The following KCTD15 variants were observed in gnomAD, a reference collection of about 807,000 sequenced individuals.
KCTD15 encodes BTB/POZ domain-containing protein KCTD15.
A neutral mutation model predicts 27.2 loss-of-function variants in KCTD15; 11 were observed. The observed-to-expected ratio is 0.41, with a 90% CI of 0.25 to 0.67. KCTD15 has a LOEUF of 0.67. Ranked by LOEUF, KCTD15 falls within the 30% of genes least tolerant of loss-of-function variation. KCTD15 has a pLI of 0.35. For synonymous variants in KCTD15, 163 were observed against 176.0 expected (o/e 0.93, Z 0.58); for missense variants, 350 against 409.3 (o/e 0.86, Z 1.25).
chr19:33,797,275 T>G (rs1301837584), intron 1 of KCTD15: 1 of 265,426 alleles, frequency 3.8e-6, no homozygotes, highest in Non-Finnish European at 7.9e-6. Flanking sequence ...TGTGTGTGTG[T>G]GTGTGTGTGC....
At chr19:33,811,189 C>CA in intron 5 of KCTD15, 58 bp from the exon 6 acceptor site, 9 of 1,127,296 alleles carry the variant, frequency 8.0e-6, no homozygotes, top group African/African-American at 1.6e-5. Context: ...CCCTCTCCCC[C>CA]TTCCCCCACC....
rs1022833994 is a variant in KCTD15 at position 33,813,469 on chromosome 19, T to A, written c.*521T>A. On this transcript the variant is annotated 3_prime_UTR_variant, in exon 7 of 7. Transcript: ENST00000683859. ...TTCTCAGTCAGACGTGCAGCATGGC[T>A]GCAGGGTGGACCAGCTGCCTGGCAT... 8.9e-6 allele frequency: 4 copies of A among 447,952 alleles called. No individual in the cohort carries two copies. The East Asian group carries it at 2.8e-4, about 31-fold the overall frequency. 27.7% of individuals were successfully genotyped at this position (447,952 alleles called of 1,614,324 possible). A position where few individuals can be genotyped will look rare whatever the true frequency, so the allele number is the denominator to read the frequency against.
rs1482941419 is a variant in KCTD15 at position 33,812,770 on chromosome 19, C to T, written c.694-20C>T. 3 of 1,429,868 alleles carry T rather than the reference C, an allele frequency of 2.1e-6. No homozygotes were observed. Among genetic ancestry groups the T allele is most frequent in the Non-Finnish European group, 2.8e-6 (3 of 1,087,366 alleles). The allele number at this position is 1,429,868 out of a possible 1,614,324, so 88.6% of individuals were successfully genotyped here. On this transcript the variant is annotated intron_variant, in intron 6 of 6. Transcript: ENST00000683859. The stretch of plus-strand genomic sequence containing the variant: ...CCTCTTGCAGCTTGGCCTTGATGAC[C>T]TCTGTTTCTTCCTGGGCAGGTCCTG...
At chr19:33,795,304 T>TA (rs1975280976), upstream of KCTD15, among the ~76,000 whole-genome samples, 2 of 152,146 alleles carry the variant, frequency 1.3e-5, no homozygotes, top group African/African-American at 2.4e-5. Flanking sequence ...GTAAAGAAGT[T>TA]ACGGAAGCGC....
At chr19:33,806,785 G>A (rs1975724273) in intron 4 of KCTD15, 78 bp from the exon 5 acceptor site, 9 of 1,510,628 alleles carry the variant, frequency 6.0e-6, no homozygotes, top group South Asian at 1.2e-5. Context: ...GGGCCCTCAG[G>A]AGTGGGGGCG....
At chr19:33,811,805 A>G in intron 6 of KCTD15, 5 of 1,607,408 alleles carry the variant, frequency 3.1e-6, no homozygotes, top group African/African-American at 1.3e-5. Flanking sequence ...TTCTATAAAA[A>G]TGGCCCAGAG....
chr19:33,811,177 T>TAC, intron 5 of KCTD15, 70 bp from the exon 6 acceptor site: 1 of 786,088 alleles, frequency 1.3e-6, no homozygotes, highest in Non-Finnish European at 1.9e-6. Context: ...GCAGGCCGCC[T>TAC]CCCCTCTCCC....
At chr19:33,796,595 G>A (rs1975322902), upstream of KCTD15, 1 of 151,758 alleles carries the variant, frequency 6.6e-6, no homozygotes, top group Non-Finnish European at 1.5e-5. Flanking sequence ...CTAGGGGCTG[G>A]AGTGGGGGGC....
chr19:33,804,885 A>C (rs1194126649), intron 4 of KCTD15, among the ~76,000 whole-genome samples: 1 of 152,120 alleles, frequency 6.6e-6, no homozygotes, highest in Non-Finnish European at 1.5e-5. Context: ...GGCTCACAGC[A>C]GACTCTGACC....
rs751354427 is a variant in KCTD15 at position 33,801,224 on chromosome 19, G to C, written c.124G>C (p.Ala42Pro). The C allele has an allele frequency of 6.2e-7, 1 of 1,613,118 alleles. No homozygotes were observed. Among genetic ancestry groups the C allele is most frequent in the Admixed American group, 1.7e-5 (1 of 59,940 alleles). ...LTRSPVSPLA[A>P]QGIPLPAQLT... is the part of the protein sequence containing the mutation. ...CCGGTCGCCTGTGTCTCCCCTGGCT[G>C]CCCAGGGCATCCCCCTGCCAGCCCA... Residue 42 changes from alanine (A) to proline (P), a missense_variant, in exon 4 of 7, where the codon GCC becomes CCC. Ala to Pro is a conservative substitution (Grantham distance 27). Coordinates refer to ENST00000683859, the MANE Select transcript of KCTD15 (RefSeq NM_001129994.2).
intron 6 of KCTD15, chr19:33,812,160 T>A: frequency 8.4e-7 from 1 of 1,186,382 alleles, no homozygotes; most frequent in Non-Finnish European, 1.0e-6. Context: ...AGCCTGTCGG[T>A]CAGAACTTGC....
Position 33,813,128 on chromosome 19 carries a change from A to G in KCTD15, c.*180A>G. 1.5e-6 allele frequency: 1 copy of G among 655,126 alleles called. No homozygotes were observed. The allele number at this position is 655,126 out of a possible 1,614,324, so 40.6% of individuals were successfully genotyped here. A position where few individuals can be genotyped will look rare whatever the true frequency, so the allele number is the denominator to read the frequency against. ...CAACAGAACGTGGGATGCTGGAGGCATGCCTGCAGAAGGACTGTTGATGCG... is the reference window on the plus strand; with the variant it reads ...CAACAGAACGTGGGATGCTGGAGGCGTGCCTGCAGAAGGACTGTTGATGCG... On this transcript the variant is annotated 3_prime_UTR_variant, in exon 7 of 7. Transcript: ENST00000683859.
rs1225710520 is a variant in KCTD15 at position 33,815,031 on chromosome 19, AGT to A, written c.*2086_*2087del. ...AGGCTCCCATCTGAGTGGAGGAGAAAGTGTTGTGTTTATTAGCAGGAAGTCTT... is the reference window on the plus strand; with the variant it reads ...AGGCTCCCATCTGAGTGGAGGAGAAAGTTGTGTTTATTAGCAGGAAGTCTT... On this transcript the variant is annotated 3_prime_UTR_variant, in exon 7 of 7. Coordinates refer to ENST00000683859, the MANE Select transcript of KCTD15 (RefSeq NM_001129994.2). 2 of 152,164 alleles carry A rather than the reference AGT, an allele frequency of 1.3e-5. No individual in the cohort carries two copies. The highest frequency in any genetic ancestry group is 2.9e-5 in the Non-Finnish European group (2 of 68,030). The allele number at this position is 152,164 out of a possible 1,614,324, so 9.4% of individuals were successfully genotyped here.
At chr19:33,810,378 G>A (rs965700917) in intron 5 of KCTD15, among the ~76,000 whole-genome samples, 1 of 152,300 alleles carries the variant, frequency 6.6e-6, no homozygotes, top group Admixed American at 6.5e-5. Context: ...CTCTGAGCTG[G>A]TTGTTTATGT....
intron 2 of KCTD15, chr19:33,799,524 C>T (rs1975459064): frequency 6.6e-6 from 1 of 152,264 alleles, no homozygotes; most frequent in African/African-American, 2.4e-5. Context: ...GAATTCTGCC[C>T]CTCCTGCATA....
intron 3 of KCTD15, 32 bp downstream of exon 3, chr19:33,800,552 G>T: frequency 6.4e-7 from 1 of 1,556,160 alleles, no homozygotes; most frequent in Non-Finnish European, 8.7e-7. Context: ...GGTCCCTGCC[G>T]GGAGTTCCCT....
At chr19:33,794,518 GGT>G (rs1975263799), upstream of KCTD15, among the ~76,000 whole-genome samples, 1 of 152,216 alleles carries the variant, frequency 6.6e-6, no homozygotes, top group South Asian at 2.1e-4. Context: ...GGACAAAAGA[GGT>G]GTGAGGGGCG....
At position 33,813,308 on chromosome 19, in the gene KCTD15, A is replaced by C. The variant is rs1312637278; in HGVS notation, c.*360A>C. 1.9e-6 allele frequency: 1 copy of C among 538,660 alleles called. No individual in the cohort carries two copies. Among genetic ancestry groups the C allele is most frequent in the Non-Finnish European group, 3.6e-6 (1 of 281,476 alleles). 33.4% of individuals were successfully genotyped at this position (538,660 alleles called of 1,614,324 possible). On this transcript the variant is annotated 3_prime_UTR_variant, in exon 7 of 7. Coordinates refer to ENST00000683859, the MANE Select transcript of KCTD15 (RefSeq NM_001129994.2). ...TCAGAGGAGCTGTTTATCCCTCTCC[A>C]CGCGGGGCAGACTCTGGCGGGTCTC...
At chr19:33,809,376 C>A (rs1299891012) in intron 5 of KCTD15, among the ~76,000 whole-genome samples, 1 of 152,096 alleles carries the variant, frequency 6.6e-6, no homozygotes, top group African/African-American at 2.4e-5. Flanking sequence ...AAGCACGTGG[C>A]TGTGGTAGTG....
Sources: allele counts gnomAD v4.1 joint callset (sites outside exome capture counted in the v4.1 genomes callset), GRCh38; gene constraint gnomAD v4.1.1; transcripts MANE v1.5; gene names NCBI Gene and HGNC (gene_info 2026-07-23, HGNC 2026-07-21).